Variants in ZNF385D observed in about 807,000 individuals in gnomAD.
ZNF385D encodes zinc finger protein 385D, also known as zinc finger protein 659.
In ZNF385D, 15 loss-of-function variants were observed where a neutral mutation model predicts 35.8. The ratio of observed to expected loss-of-function variants is 0.42; its 90% CI spans 0.28 to 0.64. The LOEUF is 0.64. Among genes scored for constraint, ZNF385D ranks in the 30% least tolerant of loss-of-function variants. The pLI, the probability that ZNF385D is intolerant of heterozygous loss-of-function variation, is 0.23. For missense variants in ZNF385D, 474 were observed against 494.6 expected, an observed-to-expected ratio of 0.96 and a Z score of 0.39; for synonymous variants, 212 against 186.8, an observed-to-expected ratio of 1.13 and a Z score of -1.10.
At chr3:21,972,677 G>C (rs1846164) in intron 3 of ZNF385D, among the ~76,000 whole-genome samples, 1 of 150,472 alleles carries the variant, frequency 6.6e-6, no homozygotes, top group African/African-American at 2.4e-5. Context: ...AAGTTGATAA[G>C]CTTTAACTAG....
At chr3:21,668,281 G>T (rs977452253) in intron 1 of ZNF385D, among the ~76,000 whole-genome samples, 1 of 152,160 alleles carries the variant, frequency 6.6e-6, no homozygotes, top group Non-Finnish European at 1.5e-5. Context: ...ACTGATTCAT[G>T]CAGGAGTTTA....
At chr3:21,583,545 CTT>C (rs1390314210) in intron 2 of ZNF385D, among the ~76,000 whole-genome samples, 1 of 152,074 alleles carries the variant, frequency 6.6e-6, no homozygotes, top group African/African-American at 2.4e-5. Context: ...ACTATTAGGA[CTT>C]TTTTTCTGCT....
At chr3:21,965,061 C>G (rs1702835798) in intron 3 of ZNF385D, among the ~76,000 whole-genome samples, 1 of 152,086 alleles carries the variant, frequency 6.6e-6, no homozygotes, top group East Asian at 1.9e-4. Context: ...AATCAGAAAG[C>G]ACAATGCCTG....
chr3:22,249,460 C>T (rs920281004), intron 2 of ZNF385D, among the ~76,000 whole-genome samples: 3 of 152,048 alleles, frequency 2.0e-5, no homozygotes, highest in Non-Finnish European at 4.4e-5. Flanking sequence ...CAACCTCCAG[C>T]GTATTCTCCC....
At chr3:22,015,122 A>G (rs1696806267) in intron 3 of ZNF385D, among the ~76,000 whole-genome samples, 1 of 152,170 alleles carries the variant, frequency 6.6e-6, no homozygotes, top group Admixed American at 6.6e-5. Context: ...CAAATAATTA[A>G]TAGAATAAGA....
At chr3:21,867,812 A>T (rs1697455059) in intron 3 of ZNF385D, among the ~76,000 whole-genome samples, 1 of 152,068 alleles carries the variant, frequency 6.6e-6, no homozygotes, top group African/African-American at 2.4e-5. Context: ...TGTCCAACAA[A>T]GCATTCTAAG....
chr3:21,473,849 C>T (rs1226724307), intron 4 of ZNF385D, among the ~76,000 whole-genome samples: 4 of 152,038 alleles, frequency 2.6e-5, no homozygotes, highest in Non-Finnish European at 4.4e-5. Context: ...AATTTAGACG[C>T]TCACCCATTT....
At chr3:21,756,295 T>C (rs989835464) in intron 3 of ZNF385D, among the ~76,000 whole-genome samples, 2 of 152,166 alleles carry the variant, frequency 1.3e-5, no homozygotes, top group African/African-American at 4.8e-5. Flanking sequence ...ATAAGCAATT[T>C]AAGATTTTTT....
intron 3 of ZNF385D, among the ~76,000 whole-genome samples, chr3:21,871,177 G>A (rs1697671650): frequency 6.6e-6 from 1 of 152,078 alleles, no homozygotes; most frequent in Admixed American, 6.6e-5. Flanking sequence ...CAGACATGCT[G>A]TTGTACCAGG....
chr3:21,903,158 G>A (rs759225897), intron 3 of ZNF385D, among the ~76,000 whole-genome samples: 6 of 152,008 alleles, frequency 3.9e-5, no homozygotes, highest in East Asian at 1.9e-4. Flanking sequence ...TAAATCTCCC[G>A]GTCATCTTTC....
chr3:22,046,096 A>C (rs1214011593), intron 3 of ZNF385D, among the ~76,000 whole-genome samples: 1 of 152,126 alleles, frequency 6.6e-6, no homozygotes, highest in Non-Finnish European at 1.5e-5. Context: ...GTGGCTTAGC[A>C]CAACTGTTTC....
At chr3:21,579,600 T>C (rs1433281944) in intron 2 of ZNF385D, 1 of 152,162 alleles carries the variant, frequency 6.6e-6, no homozygotes, top group Non-Finnish European at 1.5e-5. Context: ...TTCATATTTA[T>C]TTTTTAATAT....
At chr3:21,442,886 AGTGTGTGTGTGTGTGT>A (rs4045435) in intron 4 of ZNF385D, among the ~76,000 whole-genome samples, 2 of 147,260 alleles carry the variant, frequency 1.4e-5, no homozygotes, top group South Asian at 4.4e-4. Context: ...TCTGTGTATA[AGTGTGTGTGTGTGTGT>A]GTGTGTGTGT....
At chr3:22,297,858 G>C (rs1702675286) in intron 2 of ZNF385D, among the ~76,000 whole-genome samples, 1 of 152,084 alleles carries the variant, frequency 6.6e-6, no homozygotes, top group Non-Finnish European at 1.5e-5. Context: ...TTAAAAGTAT[G>C]TTTAAACGTA....
At chr3:21,893,295 A>T (rs573673750) in intron 3 of ZNF385D, among the ~76,000 whole-genome samples, 1 of 152,336 alleles carries the variant, frequency 6.6e-6, no homozygotes, top group South Asian at 2.1e-4. Flanking sequence ...TCCAAATATG[A>T]ATTGCACATT....
intron 3 of ZNF385D, among the ~76,000 whole-genome samples, chr3:21,802,654 G>T (rs768325925): frequency 6.6e-6 from 1 of 152,116 alleles, no homozygotes; most frequent in Non-Finnish European, 1.5e-5. Context: ...TTCTTACCCT[G>T]GACGTAGAAA....
chr3:22,201,789 G>A (rs576208335), intron 2 of ZNF385D, among the ~76,000 whole-genome samples: 5 of 151,392 alleles, frequency 3.3e-5, no homozygotes, highest in Non-Finnish European at 5.9e-5. Context: ...TTAAACAACT[G>A]AATGTGTGTG....
chr3:21,818,939 A>C (rs1256008651), intron 3 of ZNF385D, among the ~76,000 whole-genome samples: 1 of 152,116 alleles, frequency 6.6e-6, no homozygotes, highest in Non-Finnish European at 1.5e-5. Flanking sequence ...AACATCAAAT[A>C]ATAACATAGC....
chr3:22,170,825 T>C (rs1044566749), intron 2 of ZNF385D, among the ~76,000 whole-genome samples: 13 of 152,154 alleles, frequency 8.5e-5, no homozygotes, highest in African/African-American at 3.1e-4. Context: ...TCAAATATTG[T>C]TAAGTAGTAA....
Sources: gnomAD v4.1 joint callset for allele counts (sites outside exome capture counted in the v4.1 genomes callset) on GRCh38, gnomAD v4.1.1 for gene constraint, MANE v1.5 for transcripts, NCBI Gene and HGNC (gene_info 2026-07-23, HGNC 2026-07-21) for gene names.